The following ELL2 variants were observed in gnomAD, a reference collection of about 807,000 sequenced individuals.
The protein encoded by ELL2 is elongation factor for RNA polymerase II 2.
In ELL2, 21 loss-of-function variants were observed where a neutral mutation model predicts 72.8. The observed-to-expected ratio is 0.29, with a 90% CI of 0.20 to 0.42. The LOEUF (loss-of-function observed/expected upper bound fraction) is 0.42. ELL2 is among the 10% of genes least tolerant of loss of function. ELL2 has a pLI of 1.00. For missense variants in ELL2, 568 were observed against 772.8 expected, an observed-to-expected ratio of 0.73 and a Z score of 3.14; for synonymous variants, 266 against 283.2, an observed-to-expected ratio of 0.94 and a Z score of 0.61.
At chr5:95,901,435 A>G (rs1342210803) in intron 5 of ELL2, among the ~76,000 whole-genome samples, 10 of 152,212 alleles carry the variant, frequency 6.6e-5, no homozygotes, top group Admixed American at 6.5e-4. Context: ...TCTTCAAAGG[A>G]TACACTCAAA....
At chr5:95,960,618 T>C (rs1332375436) in intron 1 of ELL2, among the ~76,000 whole-genome samples, 1 of 152,074 alleles carries the variant, frequency 6.6e-6, no homozygotes, top group Non-Finnish European at 1.5e-5. Flanking sequence ...CCACACCTTC[T>C]GGCTCTGGCT....
intron 5 of ELL2, 115 bp downstream of exon 5, chr5:95,906,408 A>G (rs554440203): frequency 8.4e-7 from 1 of 1,191,416 alleles, no homozygotes; most frequent in East Asian, 2.5e-5. Context: ...ACTGATCAAA[A>G]TAATCCTAAA....
intron 4 of ELL2, among the ~76,000 whole-genome samples, chr5:95,910,959 T>C (rs1267250393): frequency 2.6e-5 from 4 of 152,272 alleles, no homozygotes; most frequent in African/African-American, 9.6e-5. Flanking sequence ...ATTTGGTATG[T>C]AAAATACAGA....
chr5:95,943,133 T>G (rs1025054671), intron 1 of ELL2, 84 bp from the exon 2 acceptor site: 30 of 1,212,938 alleles, frequency 2.5e-5, no homozygotes, highest in Non-Finnish European at 3.3e-5. Context: ...AAATCTATGT[T>G]ATTTGGGCCA....
At position 95,886,487 on chromosome 5, in the gene ELL2, CAGA is replaced by C. The variant is rs1384301035; in HGVS notation, c.*2381_*2383del. ...TTTCATTGTTACCCAACTTGTAAAC[CAGA>C]AGATGTGCTGATGTACAGGGTAGGA... On this transcript the variant is annotated 3_prime_UTR_variant, in exon 12 of 12. Transcript: ENST00000237853. 1 of 152,012 alleles carries C rather than the reference CAGA, an allele frequency of 6.6e-6. No homozygotes were observed. Among genetic ancestry groups the C allele is most frequent in the African/African-American group, 2.4e-5 (1 of 41,370 alleles). The allele number at this position is 152,012 out of a possible 1,614,324, so 9.4% of individuals were successfully genotyped here. A position where few individuals can be genotyped will look rare whatever the true frequency, so the allele number is the denominator to read the frequency against.
chr5:95,947,943 C>T (rs1404886093), intron 1 of ELL2, among the ~76,000 whole-genome samples: 3 of 151,886 alleles, frequency 2.0e-5, no homozygotes, highest in Non-Finnish European at 2.9e-5. Context: ...TTATTTAATA[C>T]ATAATAAAAC....
chr5:95,943,229 T>A (rs920069019), intron 1 of ELL2, among the ~76,000 whole-genome samples, 180 bp from the exon 2 acceptor site: 1 of 150,012 alleles, frequency 6.7e-6, no homozygotes, highest in Non-Finnish European at 1.5e-5. Flanking sequence ...AAGACCAGCC[T>A]GGGCAATACA....
chr5:95,936,206 T>C (rs1750766611), intron 2 of ELL2, among the ~76,000 whole-genome samples: 1 of 152,214 alleles, frequency 6.6e-6, no homozygotes, highest in Non-Finnish European at 1.5e-5. Context: ...TATTTGTAAA[T>C]GTATTTGAAG....
intron 4 of ELL2, among the ~76,000 whole-genome samples, chr5:95,907,296 A>ATTTTATTTTTTTTTT (rs1554075687): frequency 2.7e-4 from 31 of 116,494 alleles, no homozygotes; most frequent in Non-Finnish European, 4.7e-4. Context: ...ATATATATAT[A>ATTTTATTTTTTTTTT]TTTTTTTTTT....
chr5:95,901,110 G>A, intron 5 of ELL2, 30 bp from the exon 6 acceptor site: 1 of 1,573,274 alleles, frequency 6.4e-7, no homozygotes, highest in South Asian at 1.2e-5. Flanking sequence ...CAGAGCATTA[G>A]GTATTTTTAC....
chr5:95,951,497 T>A (rs1248108944), intron 1 of ELL2, among the ~76,000 whole-genome samples: 1 of 152,210 alleles, frequency 6.6e-6, no homozygotes, highest in Non-Finnish European at 1.5e-5. Flanking sequence ...ATATGTCAAA[T>A]CTGACTGTAA....
chr5:95,928,798 G>A (rs1750487237), intron 2 of ELL2, among the ~76,000 whole-genome samples: 1 of 152,102 alleles, frequency 6.6e-6, no homozygotes, highest in South Asian at 2.1e-4. Flanking sequence ...CTTACAAAAT[G>A]TCAATATGAC....
chr5:95,898,256 A>C lies in ELL2; in HGVS notation c.1509T>G (p.Ser503Arg), dbSNP rs1487467269. 1 of 1,604,252 alleles carries C rather than the reference A, an allele frequency of 6.2e-7. No individual in the cohort carries two copies. The highest frequency in any genetic ancestry group is 8.5e-7 in the Non-Finnish European group (1 of 1,177,136). ...EEEIAKLNNS[S>R]PNSSGGVKED... ...GTAAAATACCTCCACTGGAATTTGG[A>C]CTGGAGTTATTTAGCTTGGCAATTT... is the stretch of plus-strand genomic sequence containing the variant. Residue 503 changes from serine to arginine, a missense_variant, in exon 8 of 12, where the codon AGT becomes AGG. Physicochemically the swap from Ser to Arg is moderately radical, Grantham distance 110. This residue lies in a region of ELL2 where 511 missense variants were observed against 728.4 expected (regional missense o/e 0.70). Coordinates refer to ENST00000237853, the MANE Select transcript of ELL2 (RefSeq NM_012081.6).
chr5:95,885,163 C>T lies in ELL2; in HGVS notation c.*3708G>A, dbSNP rs1462464919. 1.3e-5 allele frequency: 2 copies of T among 152,092 alleles called. No homozygotes were observed. Among genetic ancestry groups the T allele is most frequent in the Non-Finnish European group, 2.9e-5 (2 of 68,012 alleles). 9.4% of individuals were successfully genotyped at this position (152,092 alleles called of 1,614,324 possible). ...AACAGGGGCAACCACAGCTGCTGAG[C>T]TCTGTAACAACTGAAAAGCCCCTGT... On this transcript the variant is annotated 3_prime_UTR_variant, in exon 12 of 12. Transcript: ENST00000237853.
At chr5:95,911,717 A>G (rs1039638500) in intron 4 of ELL2, among the ~76,000 whole-genome samples, 4 of 152,196 alleles carry the variant, frequency 2.6e-5, no homozygotes, top group Non-Finnish European at 5.9e-5. Context: ...AGTCCAGAGG[A>G]GAGCAATAAA....
intron 2 of ELL2, among the ~76,000 whole-genome samples, chr5:95,934,514 A>C (rs1343109006): frequency 6.6e-6 from 1 of 152,218 alleles, no homozygotes; most frequent in Non-Finnish European, 1.5e-5. Context: ...ATCAAGTGTT[A>C]ACTCAGAAAG....
intron 2 of ELL2, among the ~76,000 whole-genome samples, chr5:95,933,468 T>C (rs1476803147): frequency 1.3e-5 from 2 of 152,080 alleles, no homozygotes; most frequent in South Asian, 4.1e-4. Context: ...TTTAATAACA[T>C]AGGAAAATGC....
At chr5:95,953,088 G>A (rs553340677) in intron 1 of ELL2, among the ~76,000 whole-genome samples, 16 of 152,306 alleles carry the variant, frequency 1.1e-4, no homozygotes, top group African/African-American at 2.9e-4. Context: ...TGGAAACAAC[G>A]GGCTGAGCAG....
intron 2 of ELL2, among the ~76,000 whole-genome samples, chr5:95,923,619 T>C (rs1750179164): frequency 6.6e-6 from 1 of 152,128 alleles, no homozygotes; most frequent in African/African-American, 2.4e-5. Context: ...AGTTCTACAT[T>C]GCCTTTTCTT....
Sources: allele counts gnomAD v4.1 joint callset (sites outside exome capture counted in the v4.1 genomes callset), GRCh38; gene constraint gnomAD v4.1.1; regional missense constraint gnomAD v4.1.1; transcripts MANE v1.5; gene names NCBI Gene and HGNC (gene_info 2026-07-23, HGNC 2026-07-21).